TMEM108: variants seen among roughly 807,000 people sequenced by gnomAD.
The protein encoded by TMEM108 is transmembrane protein 108, also known as cancer/testis antigen 124.
Under a neutral mutation model 35.1 loss-of-function variants are expected in TMEM108, and 12 were observed. The ratio of observed to expected loss-of-function variants is 0.34; its 90% CI spans 0.22 to 0.55. TMEM108 has a LOEUF of 0.55. TMEM108 is among the 20% of genes least tolerant of loss of function. TMEM108 has a pLI of 0.89. For synonymous variants in TMEM108, 287 were observed against 308.6 expected (o/e 0.93, Z 0.73); for missense variants, 680 against 753.3 (o/e 0.90, Z 1.14).
chr3:133,109,220 C>G (rs980880938), intron 2 of TMEM108, among the ~76,000 whole-genome samples: 1 of 152,160 alleles, frequency 6.6e-6, no homozygotes, highest in Admixed American at 6.5e-5. Flanking sequence ...TCCCCTGGGT[C>G]ACACAGCTTT....
chr3:133,350,494 C>G lies in TMEM108; in HGVS notation c.41-29258C>G, dbSNP rs1240980164. ...ATGAGGTAATAGATATGCTAAATAC[C>G]CTGATTTGATCATTATACAATGTAG... On this transcript the variant is annotated intron_variant, in intron 3 of 5. Transcript: ENST00000321871. Among the ~76,000 whole-genome samples, 8 of 152,098 alleles carry G rather than the reference C, an allele frequency of 5.3e-5. No individual in the cohort carries two copies. In the East Asian group the frequency reaches 1.5e-3, roughly 29 times the overall value.
intron 3 of TMEM108, among the ~76,000 whole-genome samples, chr3:133,361,693 C>T (rs944035011): frequency 8.5e-5 from 13 of 152,180 alleles, no homozygotes; most frequent in Non-Finnish European, 1.5e-4. Flanking sequence ...CTAAGCATCT[C>T]TCTCCATCTC....
chr3:133,081,234 C>T (rs1432234862), intron 2 of TMEM108, among the ~76,000 whole-genome samples: 1 of 152,194 alleles, frequency 6.6e-6, no homozygotes, highest in Non-Finnish European at 1.5e-5. Flanking sequence ...TGTTTTCTCA[C>T]AGTTCTGAAT....
chr3:133,079,895 G>A (rs755336461), intron 2 of TMEM108, among the ~76,000 whole-genome samples: 7 of 152,158 alleles, frequency 4.6e-5, no homozygotes, highest in Non-Finnish European at 7.4e-5. Flanking sequence ...GCCTCATCAT[G>A]TAAAGGAGCT....
intron 3 of TMEM108, among the ~76,000 whole-genome samples, chr3:133,298,896 C>T (rs1947181781): frequency 6.6e-6 from 1 of 152,176 alleles, no homozygotes; most frequent in South Asian, 2.1e-4. Context: ...CATCGGCTGC[C>T]TGTGGCATTT....
intron 2 of TMEM108, among the ~76,000 whole-genome samples, chr3:133,191,839 C>T (rs1356034866): frequency 2.0e-5 from 3 of 152,058 alleles, no homozygotes; most frequent in Non-Finnish European, 2.9e-5. Context: ...TGCTGCTGGA[C>T]GTGGACCCTG....
intron 3 of TMEM108, among the ~76,000 whole-genome samples, chr3:133,261,520 A>G (rs890890986): frequency 6.6e-6 from 1 of 151,910 alleles, no homozygotes; most frequent in Non-Finnish European, 1.5e-5. Flanking sequence ...TCACCTGCCC[A>G]CTCCTGAGAC....
rs1393823919 is a variant in TMEM108 at position 133,346,333 on chromosome 3, T to G, written c.41-33419T>G. ...CAGTTTTGTTTTGTTTTTGTTTTTG[T>G]TTTTGTTTTGGATTTTAGCCATTCT... On this transcript the variant is annotated intron_variant, in intron 3 of 5. Transcript: ENST00000321871. The surrounding 1 kb of genome is among the most constrained non-coding windows in gnomAD (Gnocchi z 4.0). Among the ~76,000 whole-genome samples, 3 of 151,944 alleles carry G rather than the reference T, an allele frequency of 2.0e-5. No individual in the cohort carries two copies. The highest frequency in any genetic ancestry group is 2.9e-5 in the Non-Finnish European group (2 of 67,874).
At chr3:133,351,819 A>G (rs2072009194) in intron 3 of TMEM108, among the ~76,000 whole-genome samples, 1 of 152,092 alleles carries the variant, frequency 6.6e-6, no homozygotes, top group South Asian at 2.1e-4. Context: ...CACTCTCCCT[A>G]CCACCTCCAG....
intron 3 of TMEM108, among the ~76,000 whole-genome samples, chr3:133,259,803 A>C (rs1241109064): frequency 6.6e-6 from 1 of 152,172 alleles, no homozygotes; most frequent in Admixed American, 6.5e-5. Context: ...AAAACAGGAC[A>C]AACCTTGGAG....
chr3:133,365,148 C>T (rs958480252), intron 3 of TMEM108, among the ~76,000 whole-genome samples: 2 of 152,184 alleles, frequency 1.3e-5, no homozygotes, highest in Non-Finnish European at 2.9e-5. Context: ...TCTGGCATCC[C>T]TCCTAGCAGC....
intron 2 of TMEM108, among the ~76,000 whole-genome samples, chr3:133,106,362 A>C (rs1944153438): frequency 6.6e-6 from 1 of 152,108 alleles, no homozygotes; most frequent in South Asian, 2.1e-4. Flanking sequence ...GACTTGGCTC[A>C]AAATCAGATT....
intron 4 of TMEM108, 67 bp from the exon 5 acceptor site, chr3:133,390,113 C>A: frequency 1.3e-6 from 2 of 1,585,810 alleles, no homozygotes; most frequent in South Asian, 2.3e-5. Context: ...CTCATCAGTT[C>A]GGTGGTGCAA....
intron 3 of TMEM108, among the ~76,000 whole-genome samples, chr3:133,314,303 T>C (rs2071170146): frequency 6.6e-6 from 1 of 152,236 alleles, no homozygotes; most frequent in South Asian, 2.1e-4. Context: ...TCAGTATCTC[T>C]CATCCAGTTA....
chr3:133,154,417 T>G (rs545614459), intron 2 of TMEM108, among the ~76,000 whole-genome samples: 2 of 152,146 alleles, frequency 1.3e-5, no homozygotes. Flanking sequence ...GTTTTTATGG[T>G]TTTAGGTCTA....
chr3:133,206,111 C>T (rs1945749502), intron 2 of TMEM108, among the ~76,000 whole-genome samples: 1 of 152,160 alleles, frequency 6.6e-6, no homozygotes, highest in Non-Finnish European at 1.5e-5. Context: ...CTTCTGTATG[C>T]ATCACGAAGT....
At chr3:133,320,215 A>T (rs1576453898) in intron 3 of TMEM108, among the ~76,000 whole-genome samples, 1 of 152,228 alleles carries the variant, frequency 6.6e-6, no homozygotes, top group South Asian at 2.1e-4. Flanking sequence ...CAGAAGGTTG[A>T]TTATTAAGTG....
chr3:133,130,479 CTGTT>C (rs1246744707), intron 2 of TMEM108, among the ~76,000 whole-genome samples: 2 of 152,150 alleles, frequency 1.3e-5, no homozygotes, highest in South Asian at 2.1e-4. Flanking sequence ...TCAGGCATCT[CTGTT>C]TGTGGTCTCT....
chr3:133,179,310 A>G lies in TMEM108; in HGVS notation c.-46-49956A>G, dbSNP rs1338835155. Among the ~76,000 whole-genome samples, 4 of 152,366 alleles carry G rather than the reference A, an allele frequency of 2.6e-5. No individual in the cohort carries two copies. In the East Asian group the frequency reaches 7.7e-4, roughly 29 times the overall value. ...ACCCAGCCATCCCATTACTGGGTAT[A>G]TACCCAAAGGATTATAAATCATGCT... is the stretch of plus-strand genomic sequence containing the variant. On this transcript the variant is annotated intron_variant, in intron 2 of 5. Transcript: ENST00000321871.
Sources: allele counts gnomAD v4.1 joint callset (sites outside exome capture counted in the v4.1 genomes callset), GRCh38; gene constraint gnomAD v4.1.1; non-coding constraint Gnocchi (gnomAD v3.1); transcripts MANE v1.5; gene names NCBI Gene and HGNC (gene_info 2026-07-23, HGNC 2026-07-21).